Variants in HTRA2 observed in about 807,000 individuals in gnomAD.
HTRA2 encodes the protein HtrA serine peptidase 2.
Under a neutral mutation model 42.2 loss-of-function variants are expected in HTRA2, and 24 were observed. The observed-to-expected ratio is 0.57, with a 90% CI of 0.41 to 0.80. HTRA2 has a LOEUF of 0.80. Among genes scored for constraint, HTRA2 ranks in the 30% least tolerant of loss-of-function variants. The pLI is 0.00. For missense variants in HTRA2, 466 were observed against 613.5 expected, an observed-to-expected ratio of 0.76 and a Z score of 2.54; for synonymous variants, 245 against 255.8, an observed-to-expected ratio of 0.96 and a Z score of 0.40.
chr2:74,530,802 C>G lies in HTRA2; in HGVS notation c.692C>G (p.Thr231Arg). ...TAVDPVADIA[T>R]LRIQTKEPLP... is the part of the protein sequence containing the mutation. ...GTGGATCCCGTGGCAGACATCGCAA[C>G]GCTGAGGATTCAGACTAAGGTGGGG... The change falls in exon 2 of 8, where the codon ACG (threonine) becomes AGG (arginine). Residue 231 changes from threonine (T) to arginine (R), a missense_variant. Transcript: ENST00000258080. This position sits in a 1 kb window ranked among gnomAD's most constrained non-coding sequence, Gnocchi z 7.4. 1.2e-6 allele frequency: 2 copies of G among 1,614,146 alleles called. No individual in the cohort carries two copies. Among genetic ancestry groups the G allele is most frequent in the Non-Finnish European group, 1.7e-6 (2 of 1,180,038 alleles).
intron 4 of HTRA2, 37 bp from the exon 5 acceptor site, chr2:74,531,560 T>G (rs1300989621): frequency 2.5e-6 from 4 of 1,613,914 alleles, no homozygotes; most frequent in Admixed American, 1.7e-5. Context: ...CCCTACTATT[T>G]GTTTAGGCTA....
Position 74,530,369 on chromosome 2 carries a change from GT to G in HTRA2, c.364del (p.Trp122GlyfsTer87). The stretch of plus-strand genomic sequence containing the variant: ...CTGGGGGGGCAGTGCTGTTGTTGTT[GT>G]GGGGCGGGGGTCGGGGTCCTCCGGC... ...GAGGAVLLLLWGGGRGPPAVL... is the reference protein window; with the variant it reads ...GAGGAVLLLLXGGGRGPPAVL... On this transcript the variant is annotated frameshift_variant, in exon 1 of 8. Coordinates refer to ENST00000258080, the MANE Select transcript of HTRA2 (RefSeq NM_013247.5). LOFTEE classifies it high-confidence loss of function. The surrounding 1 kb of genome is among the most constrained non-coding windows in gnomAD (Gnocchi z 7.4). 1 of 1,592,968 alleles carries G rather than the reference GT, an allele frequency of 6.3e-7. No individual in the cohort carries two copies. Among genetic ancestry groups the G allele is most frequent in the Non-Finnish European group, 8.5e-7 (1 of 1,170,640 alleles).
At chr2:74,531,173 C>T (rs913952114) in intron 3 of HTRA2, 68 bp downstream of exon 3, 21 of 1,571,150 alleles carry the variant, frequency 1.3e-5, no homozygotes, top group African/African-American at 2.7e-5. Flanking sequence ...GTACAAGCAC[C>T]AACTGATATA....
chr2:74,531,074 T>G lies in HTRA2; in HGVS notation c.875T>G (p.Val292Gly). 6.2e-7 allele frequency: 1 copy of G among 1,614,136 alleles called. No individual in the cohort carries two copies. The highest frequency in any genetic ancestry group is 8.5e-7 in the Non-Finnish European group (1 of 1,180,032). ...ARDLGLPQTN[V>G]EYIQTDAAID... is the part of the protein sequence containing the mutation. Reference sequence around the variant, plus strand: ...GACCTGGGACTCCCCCAAACCAATGTGGAATACATTCAAACTGATGCAGCT... The same window carrying G: ...GACCTGGGACTCCCCCAAACCAATGGGGAATACATTCAAACTGATGCAGCT... Residue 292 changes from valine (V) to glycine (G), a missense_variant, in exon 3 of 8, where the codon GTG becomes GGG. Transcript: ENST00000258080.
upstream of HTRA2, chr2:74,529,513 G>T (rs775391778): frequency 6.5e-7 from 1 of 1,549,492 alleles, no homozygotes. Flanking sequence ...GGGGCGAGAG[G>T]CGAAGTGGTC....
chr2:74,533,548 G>C (rs1408965651), downstream of HTRA2: 5 of 1,506,542 alleles, frequency 3.3e-6, no homozygotes, highest in African/African-American at 6.9e-5. Context: ...CTGAGGTAAT[G>C]GCAGCCTCAG....
At chr2:74,532,489 T>A (rs1419608052) in intron 6 of HTRA2, 130 bp from the exon 7 acceptor site, 1 of 731,938 alleles carries the variant, frequency 1.4e-6, no homozygotes, top group Non-Finnish European at 2.4e-6. Flanking sequence ...TGAGTTGCCA[T>A]TGTATTTTGT....
At chr2:74,532,488 A>G (rs565783093) in intron 6 of HTRA2, 131 bp from the exon 7 acceptor site, 2 of 733,886 alleles carry the variant, frequency 2.7e-6, no homozygotes, top group South Asian at 1.5e-5. Context: ...GTGAGTTGCC[A>G]TTGTATTTTG....
chr2:74,533,356 G>A (rs1036964953), downstream of HTRA2: 12 of 540,826 alleles, frequency 2.2e-5, no homozygotes, highest in South Asian at 2.7e-4. Context: ...TGCTCTTTGT[G>A]GTGTGGTGGG....
intron 6 of HTRA2, 142 bp from the exon 7 acceptor site, chr2:74,532,477 A>G (rs902530666): frequency 1.1e-4 from 76 of 711,742 alleles, no homozygotes; most frequent in Non-Finnish European, 1.6e-4. Flanking sequence ...GAAGACAGAA[A>G]GTGAGTTGCC....
upstream of HTRA2, chr2:74,529,567 C>T (rs1433736613): frequency 1.9e-6 from 3 of 1,558,338 alleles, no homozygotes; most frequent in Admixed American, 5.7e-5. Context: ...TCTCTTCCCG[C>T]CGGGTCTCTT....
In HTRA2 at chr2:74,533,290, C is replaced by T. The variant is rs1161862603; in HGVS notation, c.*305C>T. ...GAGATACTGGAGCTGACCATCCTGA[C>T]CTCCTATTAAAGAAAATGAGCTGCT... On this transcript the variant is annotated 3_prime_UTR_variant, in exon 8 of 8. Coordinates refer to ENST00000258080, the MANE Select transcript of HTRA2 (RefSeq NM_013247.5). The T allele has an allele frequency of 1.9e-6, 1 of 533,808 alleles. No homozygotes were observed. The allele number at this position is 533,808 out of a possible 1,614,324, so 33.1% of individuals were successfully genotyped here.
At chr2:74,529,586 G>C (rs759024170), upstream of HTRA2, 56 of 1,566,726 alleles carry the variant, frequency 3.6e-5, no homozygotes, top group Admixed American at 1.8e-5. Flanking sequence ...TTACCGGTGC[G>C]AGTCAAAGAG....
At chr2:74,531,782 GGT>G in intron 5 of HTRA2, 72 bp from the exon 6 acceptor site, 1 of 1,611,714 alleles carries the variant, frequency 6.2e-7, no homozygotes, top group South Asian at 1.1e-5. Flanking sequence ...CTTCCTGGAG[GGT>G]GGTCTACTGG....
At chr2:74,532,563 C>G (rs1018943567) in intron 6 of HTRA2, 56 bp from the exon 7 acceptor site, 2 of 1,395,866 alleles carry the variant, frequency 1.4e-6, no homozygotes, top group Admixed American at 3.5e-5. Context: ...TGAGGTGGAA[C>G]TCAGGATGGG....
In HTRA2 at chr2:74,530,049, C is replaced by A. The variant is rs1311236619; in HGVS notation, c.43C>A (p.Arg15=). 6.3e-7 allele frequency: 1 copy of A among 1,579,164 alleles called. No homozygotes were observed. The highest frequency in any genetic ancestry group is 1.7e-5 in the Admixed American group (1 of 58,342). The change falls in exon 1 of 8, where the codon CGG becomes AGG. Residue 15 remains arginine, a synonymous_variant. Coordinates refer to ENST00000258080, the MANE Select transcript of HTRA2 (RefSeq NM_013247.5). The surrounding 1 kb of genome is among the most constrained non-coding windows in gnomAD (Gnocchi z 7.4). ...RAGRGAGWSL[R]AWRALGGIRW... ...GGGGCGGGGTGCAGGCTGGAGCCTT[C>A]GGGCATGGCGGGCTTTGGGGGGCAT... is the stretch of plus-strand genomic sequence containing the variant.
At position 74,533,036 on chromosome 2, in the gene HTRA2, C is replaced by T. The variant is rs780025917; in HGVS notation, c.*51C>T. 1.2e-5 allele frequency: 19 copies of T among 1,589,030 alleles called. No individual in the cohort carries two copies. In the African/African-American group the frequency reaches 2.3e-4, roughly 19 times the overall value. On this transcript the variant is annotated 3_prime_UTR_variant, in exon 8 of 8. Transcript: ENST00000258080. ...CTGCTCTGATTTCCTCCTTGCCTTT[C>T]TGGCTGAGGTTCTGAGGGCACCGAG...
chr2:74,530,315 G>C lies in HTRA2; in HGVS notation c.309G>C (p.Ser103=), dbSNP rs1201114067. ...REASENSGTR[S]RAWLAVALGA... ...CCTCAGAGAACTCTGGAACCCGTTC[G>C]CGCGCGTGGCTGGCGGTGGCGCTGG... The change falls in exon 1 of 8, where the codon TCG becomes TCC. Residue 103 remains serine, a synonymous_variant. Coordinates refer to ENST00000258080, the MANE Select transcript of HTRA2 (RefSeq NM_013247.5). This position sits in a 1 kb window ranked among gnomAD's most constrained non-coding sequence, Gnocchi z 7.4. 6.3e-6 allele frequency: 10 copies of C among 1,597,862 alleles called. No individual in the cohort carries two copies. The highest frequency in any genetic ancestry group is 8.5e-6 in the Non-Finnish European group (10 of 1,170,176).
chr2:74,530,014 C>T lies in HTRA2; in HGVS notation c.8C>T (p.Ala3Val), dbSNP rs2231249. Reference protein sequence around the residue: MAAPRAGRGAGWS... With the variant: MAVPRAGRGAGWS... ...GCAGCCAAGGCGGAGCTGATGGCTG[C>T]GCCGAGGGCGGGGCGGGGTGCAGGC... Residue 3 changes from alanine (A) to valine (V), a missense_variant, in exon 1 of 8, where the codon GCG becomes GTG. Transcript: ENST00000258080. The surrounding 1 kb of genome is among the most constrained non-coding windows in gnomAD (Gnocchi z 7.4). 1.1e-5 allele frequency: 17 copies of T among 1,537,854 alleles called. No individual in the cohort carries two copies. In the East Asian group the frequency reaches 3.4e-4, roughly 31 times the overall value.
Sources: gnomAD v4.1 joint callset for allele counts on GRCh38, gnomAD v4.1.1 for gene constraint, Gnocchi (gnomAD v3.1) non-coding constraint, MANE v1.5 for transcripts, NCBI Gene and HGNC (gene_info 2026-07-23, HGNC 2026-07-21) for gene names.